Variants in NAV3 observed in about 807,000 individuals in gnomAD.
NAV3 encodes the protein pore membrane and/or filament interacting like protein 1.
Under a neutral mutation model 244.7 loss-of-function variants are expected in NAV3, and 87 were observed. The observed-to-expected ratio is 0.36, with a 90% CI of 0.30 to 0.42. The LOEUF is 0.42. NAV3 is among the 20% of genes least tolerant of loss of function. The pLI, the probability that NAV3 is intolerant of heterozygous loss-of-function variation, is 1.00. For missense variants in NAV3, 2,663 were observed against 2,893.3 expected (o/e 0.92, Z 1.83); for synonymous variants, 1,126 against 1,042.2 (o/e 1.08, Z -1.55).
At chr12:77,833,950 C>T (rs1168375604) in intron 1 of NAV3, among the ~76,000 whole-genome samples, 1 of 151,986 alleles carries the variant, frequency 6.6e-6, no homozygotes, top group Non-Finnish European at 1.5e-5. Flanking sequence ...TCCTCTTCTG[C>T]TGGTGTGTTC....
intron 20 of NAV3, among the ~76,000 whole-genome samples, chr12:78,145,427 A>C (rs971622706): frequency 6.6e-6 from 1 of 152,216 alleles, no homozygotes; most frequent in Non-Finnish European, 1.5e-5. Flanking sequence ...TGTGTCAATT[A>C]ATCTAGAACT....
At chr12:77,963,334 A>T (rs1892195548) in intron 3 of NAV3, among the ~76,000 whole-genome samples, 1 of 152,146 alleles carries the variant, frequency 6.6e-6, no homozygotes, top group African/African-American at 2.4e-5. Flanking sequence ...AATCCACTCA[A>T]ATTATCTTAA....
chr12:77,591,655 T>C (rs1259855591), intron 2 of NAV3, among the ~76,000 whole-genome samples: 1 of 152,150 alleles, frequency 6.6e-6, no homozygotes, highest in South Asian at 2.1e-4. Flanking sequence ...TTTAAACATA[T>C]AACATGTTAT....
intron 12 of NAV3, among the ~76,000 whole-genome samples, chr12:78,079,947 C>T (rs2137805881): frequency 6.6e-6 from 1 of 152,214 alleles, no homozygotes; most frequent in East Asian, 1.9e-4. Context: ...GATATTGTAT[C>T]CTGCATTGTG....
intron 2 of NAV3, among the ~76,000 whole-genome samples, chr12:77,657,533 G>C (rs915651154): frequency 4.6e-5 from 7 of 152,176 alleles, no homozygotes; most frequent in African/African-American, 7.2e-5. Flanking sequence ...GAGGTACAAG[G>C]AGGAACTGGT....
intron 2 of NAV3, among the ~76,000 whole-genome samples, chr12:77,641,814 CAAGCTGTTTCATT>C (rs1872424984): frequency 2.0e-5 from 3 of 152,256 alleles, no homozygotes; most frequent in South Asian, 4.1e-4. Flanking sequence ...GCAGTTGAGG[CAAGCTGTTTCATT>C]AGCTATATCC....
At chr12:78,034,245 T>C (rs1250022644) in intron 9 of NAV3, among the ~76,000 whole-genome samples, 1 of 152,208 alleles carries the variant, frequency 6.6e-6, no homozygotes, top group African/African-American at 2.4e-5. Context: ...CCCACAGTTG[T>C]GATAACGAAA....
chr12:77,977,417 T>C (rs1311993790), intron 5 of NAV3, among the ~76,000 whole-genome samples: 1 of 152,178 alleles, frequency 6.6e-6, no homozygotes, highest in South Asian at 2.1e-4. Context: ...TACCTTTATA[T>C]AATGGAATAA....
chr12:77,947,068 T>C (rs139432750), intron 3 of NAV3, among the ~76,000 whole-genome samples: 277 of 152,274 alleles, frequency 1.8e-3, no homozygotes, highest in African/African-American at 6.0e-3. Flanking sequence ...CCTAAGGTTT[T>C]AGTATAACAT....
At chr12:78,107,119 G>A (rs1233409576) in intron 12 of NAV3, among the ~76,000 whole-genome samples, 2 of 152,196 alleles carry the variant, frequency 1.3e-5, no homozygotes, top group Non-Finnish European at 2.9e-5. Context: ...CAGATATGCA[G>A]ATAAAGCTTC....
chr12:77,836,392 T>C lies in NAV3; in HGVS notation c.243+4688T>C, dbSNP rs557202582. On this transcript the variant is annotated intron_variant, in intron 1 of 39. Coordinates refer to ENST00000397909, the MANE Select transcript of NAV3 (RefSeq NM_001024383.2). ...TTCTTTCCAGTCTTGGGCTCACTCA[T>C]TCCTTCCCTCTCAGATTACTTGTGC... Among the ~76,000 whole-genome samples the C allele has an allele frequency of 2.0e-5, 3 of 152,336 alleles. No homozygotes were observed. In the East Asian group the frequency reaches 5.8e-4, roughly 29 times the overall value.
chr12:77,661,418 G>T (rs1418454880), intron 2 of NAV3, among the ~76,000 whole-genome samples: 2 of 152,080 alleles, frequency 1.3e-5, no homozygotes, highest in Non-Finnish European at 2.9e-5. Context: ...TTTGAATTGA[G>T]TTGAAAGAGT....
intron 2 of NAV3, among the ~76,000 whole-genome samples, chr12:77,786,141 ATT>A (rs1870895107): frequency 6.6e-6 from 1 of 152,106 alleles, no homozygotes. Flanking sequence ...AAAAATCCCT[ATT>A]TAAGTCATTT....
intron 2 of NAV3, among the ~76,000 whole-genome samples, chr12:77,788,021 T>C (rs1243409488): frequency 6.6e-6 from 1 of 152,186 alleles, no homozygotes; most frequent in Admixed American, 6.5e-5. Context: ...AAAAATCCAG[T>C]CTCTGGTGCT....
chr12:77,767,627 A>G (rs2369943), intron 2 of NAV3, among the ~76,000 whole-genome samples: 142,408 of 152,246 alleles, frequency 0.94, 67,374 homozygotes, highest in East Asian at 1. Context: ...CACCGGCTCC[A>G]TGTAAGCCTG....
intron 5 of NAV3, among the ~76,000 whole-genome samples, chr12:77,971,407 T>C (rs1892987450): frequency 6.6e-6 from 1 of 152,060 alleles, no homozygotes; most frequent in South Asian, 2.1e-4. Flanking sequence ...TCCATTAGTC[T>C]TACTTTTAGA....
At chr12:78,188,472 T>A in intron 32 of NAV3, 129 bp downstream of exon 32, 1 of 1,151,436 alleles carries the variant, frequency 8.7e-7, no homozygotes, top group Non-Finnish European at 1.2e-6. Context: ...CTGTTTGTGC[T>A]ATTTGATATT....
intron 2 of NAV3, among the ~76,000 whole-genome samples, chr12:77,576,181 T>C (rs2136658193): frequency 6.6e-6 from 1 of 152,206 alleles, no homozygotes; most frequent in Middle Eastern, 3.4e-3. Flanking sequence ...GGTATAGTGT[T>C]TGAGATGTGA....
chr12:78,096,446 G>A (rs138226374), intron 12 of NAV3, among the ~76,000 whole-genome samples: 3 of 152,210 alleles, frequency 2.0e-5, no homozygotes, highest in Admixed American at 1.3e-4. Flanking sequence ...CTGTTCTCAG[G>A]CTGCTAATAA....
Sources: allele counts gnomAD v4.1 joint callset (sites outside exome capture counted in the v4.1 genomes callset), GRCh38; gene constraint gnomAD v4.1.1; transcripts MANE v1.5; gene names NCBI Gene and HGNC (gene_info 2026-07-23, HGNC 2026-07-21).